HHLA1: variants seen among roughly 807,000 people sequenced by gnomAD.
The protein encoded by HHLA1 is HHLA1 neighbor of OC90.
In HHLA1, 72 loss-of-function variants were observed where a neutral mutation model predicts 69.9. The ratio of observed to expected loss-of-function variants is 1.03; its 90% CI spans 0.85 to 1.25. HHLA1 has a LOEUF of 1.25. Ranked by LOEUF, HHLA1 falls within the 50% of genes most tolerant of loss-of-function variation. The probability of loss-of-function intolerance (pLI) is 0.00; values close to 1 mark genes in which losing one functional copy is unlikely to be tolerated. For missense variants in HHLA1, 685 were observed against 642.2 expected (o/e 1.07, Z -0.72); for synonymous variants, 252 against 233.2 (o/e 1.08, Z -0.73).
intron 14 of HHLA1, among the ~76,000 whole-genome samples, chr8:132,073,662 C>A (rs1471147056): frequency 6.6e-6 from 1 of 152,186 alleles, no homozygotes. Flanking sequence ...ACTACTTGAA[C>A]ATAATTAACA....
In HHLA1 at chr8:132,071,382, C is replaced by A. The variant is rs541233811; in HGVS notation, c.1427G>T (p.Cys476Phe). ...GGGACTCCTCTGGCTCATGCAGAGG[C>A]ATTGCTGGAAGAATTGGCACAGCTC... ...LMELCQFFQQ[C>F]LCMSQRSPRT... is the part of the protein sequence containing the mutation. Residue 476 changes from cysteine to phenylalanine, a missense_variant, in exon 15 of 17, where the codon TGC (cysteine) becomes TTC (phenylalanine). Transcript: ENST00000414222. 1.3e-6 allele frequency: 2 copies of A among 1,551,700 alleles called. No homozygotes were observed. Among genetic ancestry groups the A allele is most frequent in the South Asian group, 2.4e-5 (2 of 84,064 alleles).
chr8:132,076,972 G>A (rs1011196708), intron 12 of HHLA1, among the ~76,000 whole-genome samples: 4 of 152,076 alleles, frequency 2.6e-5, no homozygotes, highest in Admixed American at 1.3e-4. Flanking sequence ...GACAGAGTAC[G>A]GGCTCAGTTC....
At chr8:132,074,490 T>C (rs971453911) in intron 14 of HHLA1, among the ~76,000 whole-genome samples, 9 of 152,160 alleles carry the variant, frequency 5.9e-5, no homozygotes, top group African/African-American at 2.2e-4. Flanking sequence ...TGCAGAATTA[T>C]TGTGAAGAGA....
At chr8:132,091,677 G>A (rs1188905669) in intron 7 of HHLA1, among the ~76,000 whole-genome samples, 3 of 152,146 alleles carry the variant, frequency 2.0e-5, no homozygotes, top group African/African-American at 7.2e-5. Flanking sequence ...ATAAATAGAA[G>A]GTAGAAGTAC....
At chr8:132,067,204 G>A (rs933016615) in intron 15 of HHLA1, among the ~76,000 whole-genome samples, 4 of 152,132 alleles carry the variant, frequency 2.6e-5, no homozygotes, top group African/African-American at 7.2e-5. Context: ...AAATAGAGCC[G>A]CTCCTGGAAA....
chr8:132,067,656 C>T (rs1242153719), intron 15 of HHLA1, among the ~76,000 whole-genome samples: 2 of 152,154 alleles, frequency 1.3e-5, no homozygotes, highest in Non-Finnish European at 2.9e-5. Flanking sequence ...AATCAGCAAC[C>T]ACAAAGCGCA....
intron 14 of HHLA1, 83 bp downstream of exon 14, chr8:132,075,972 C>T (rs767242220): frequency 7.8e-5 from 82 of 1,045,064 alleles, no homozygotes; most frequent in South Asian, 1.7e-4. Flanking sequence ...CTAAATTTAC[C>T]GAACAAACCT....
At chr8:132,076,006 T>C (rs1823631754) in intron 14 of HHLA1, 49 bp downstream of exon 14, 2 of 1,327,796 alleles carry the variant, frequency 1.5e-6, no homozygotes, top group South Asian at 2.5e-5. Flanking sequence ...TACATGACCT[T>C]GTTCAAAATA....
intron 11 of HHLA1, 124 bp downstream of exon 11, chr8:132,079,594 G>A: frequency 9.4e-7 from 1 of 1,060,600 alleles, no homozygotes; most frequent in Admixed American, 3.0e-5. Context: ...ATTTAAGTAA[G>A]CTGAAGCGTA....
At position 132,083,752 on chromosome 8, in the gene HHLA1, G is replaced by A. The variant is rs1237177949; in HGVS notation, c.677-3786C>T. Among the ~76,000 whole-genome samples the A allele has an allele frequency of 6.2e-4, 94 of 152,186 alleles. No homozygotes were observed. The East Asian group carries it at 0.013, about 21-fold the overall frequency. On this transcript the variant is annotated intron_variant, in intron 10 of 16. Transcript: ENST00000414222. ...GAGGAACGCCTGGCCGCTGCGGTTC[G>A]GGCGTTTGGAAGTTCTTGTGTGCTG...
intron 1 of HHLA1, among the ~76,000 whole-genome samples, chr8:132,106,690 T>C (rs899814284): frequency 6.6e-6 from 1 of 152,252 alleles, no homozygotes; most frequent in Admixed American, 6.5e-5. Context: ...TCCCTTGAGC[T>C]GTTTAGTAAC....
intron 10 of HHLA1, chr8:132,085,538 GACGGC>G (rs1823846370): frequency 3.4e-6 from 1 of 292,902 alleles, no homozygotes; most frequent in African/African-American, 2.3e-5. Context: ...CGATCCGAGT[GACGGC>G]ACCAAATTTC....
chr8:132,104,693 T>C (rs1345351355), intron 2 of HHLA1, among the ~76,000 whole-genome samples: 1 of 150,214 alleles, frequency 6.7e-6, no homozygotes, highest in Non-Finnish European at 1.5e-5. Flanking sequence ...ATGAAGGAGG[T>C]GGAGGTGGTA....
rs189422784 is a variant in HHLA1 at position 132,062,773 on chromosome 8, G to C, written c.*1222C>G. ...GCAGAAGAAAGTTGACTCCACAGAC[G>C]TACTCCACAGATGAGCTCAAATCCT... On this transcript the variant is annotated 3_prime_UTR_variant, in exon 17 of 17. Transcript: ENST00000414222. The C allele has an allele frequency of 2.0e-5, 3 of 152,212 alleles. No homozygotes were observed. Among genetic ancestry groups the C allele is most frequent in the Admixed American group, 6.5e-5 (1 of 15,288 alleles). 9.4% of individuals were successfully genotyped at this position (152,212 alleles called of 1,614,324 possible). A position where few individuals can be genotyped will look rare whatever the true frequency, so the allele number is the denominator to read the frequency against.
chr8:132,074,416 C>T (rs1823600177), intron 14 of HHLA1, among the ~76,000 whole-genome samples: 1 of 151,680 alleles, frequency 6.6e-6, no homozygotes. Context: ...GATCTGGTGT[C>T]AAAATGGAGT....
intron 14 of HHLA1, among the ~76,000 whole-genome samples, chr8:132,071,935 T>A (rs1194678815): frequency 6.6e-6 from 1 of 152,028 alleles, no homozygotes; most frequent in African/African-American, 2.4e-5. Context: ...TGTGTGCATG[T>A]GTGTGTATAT....
intron 7 of HHLA1, among the ~76,000 whole-genome samples, chr8:132,093,765 A>G (rs1485181208): frequency 2.0e-5 from 3 of 152,208 alleles, no homozygotes; most frequent in African/African-American, 7.2e-5. Context: ...CAATCAGGAT[A>G]GGGACTCACC....
chr8:132,091,995 C>T (rs572636971), intron 7 of HHLA1, among the ~76,000 whole-genome samples: 1 of 152,226 alleles, frequency 6.6e-6, no homozygotes, highest in South Asian at 2.1e-4. Context: ...AGCCAAGTTT[C>T]CAACAAGAGG....
intron 5 of HHLA1, among the ~76,000 whole-genome samples, chr8:132,096,240 G>A (rs1009686693): frequency 1.3e-5 from 2 of 152,174 alleles, no homozygotes; most frequent in Non-Finnish European, 2.9e-5. Context: ...CCCTTGGCTT[G>A]TGGCCACATC....
Sources: gnomAD v4.1 joint callset for allele counts (sites outside exome capture counted in the v4.1 genomes callset) on GRCh38, gnomAD v4.1.1 for gene constraint, MANE v1.5 for transcripts, NCBI Gene and HGNC (gene_info 2026-07-23, HGNC 2026-07-21) for gene names.